Variants in STK24 observed in about 807,000 individuals in gnomAD.
The protein encoded by STK24 is serine/threonine kinase 24.
STK24 carries 21 observed loss-of-function variants against 55.6 expected under a neutral mutation model. That is an observed-to-expected ratio of 0.38 (90% CI 0.27 to 0.54). STK24 has a LOEUF of 0.54. Ranked by LOEUF, STK24 falls within the 20% of genes least tolerant of loss-of-function variation. The pLI is 0.79. For missense variants in STK24, 383 were observed against 538.4 expected (o/e 0.71, Z 2.86); for synonymous variants, 200 against 215.2 (o/e 0.93, Z 0.62).
intron 2 of STK24, among the ~76,000 whole-genome samples, chr13:98,501,848 GC>G (rs935295373): frequency 4.6e-5 from 7 of 152,032 alleles, no homozygotes; most frequent in African/African-American, 1.7e-4. Flanking sequence ...TTCCCCTGTT[GC>G]CCTATCAGTT....
chr13:98,473,547 A>C (rs780886037), intron 5 of STK24, among the ~76,000 whole-genome samples: 20 of 152,240 alleles, frequency 1.3e-4, no homozygotes, highest in Non-Finnish European at 2.5e-4. Flanking sequence ...TCAACAGCCA[A>C]AGTGACTGCA....
rs1308517695 is a variant in STK24 at position 98,496,130 on chromosome 13, AG to A, written c.274-13810del. Among the ~76,000 whole-genome samples the A allele has an allele frequency of 2.6e-5, 4 of 152,286 alleles. No individual in the cohort carries two copies. In the South Asian group the frequency reaches 6.2e-4, roughly 24 times the overall value. Reference sequence around the variant, plus strand: ...AAAGGTCTCCAGCTTCCCTGTGGGGAGCCATGGGTGGGATGATTTAAGCAGA... The same window carrying A: ...AAAGGTCTCCAGCTTCCCTGTGGGGACCATGGGTGGGATGATTTAAGCAGA... On this transcript the variant is annotated intron_variant, in intron 2 of 10. Coordinates refer to ENST00000539966, the MANE Select transcript of STK24 (RefSeq NM_001032296.4).
rs767179382 is a variant in STK24 at position 98,457,212 on chromosome 13, G to A, written c.1215C>T (p.Gly405=). The change falls in exon 10 of 11, where the codon GGC becomes GGT. Residue 405 remains glycine (G), a synonymous_variant. Transcript: ENST00000539966. ...AIYLAEEACP[G]ISDTMVAQLV... is the part of the protein sequence containing the mutation. The stretch of plus-strand genomic sequence containing the variant: ...GCTGGGCCACCATGGTGTCGGAGAT[G>A]CCAGGGCACGCCTCCTCCGCTAGGT... 15 of 1,612,596 alleles carry A rather than the reference G, an allele frequency of 9.3e-6. No individual in the cohort carries two copies. The Admixed American group carries it at 2.3e-4, about 25-fold the overall frequency.
At chr13:98,496,678 CAT>C in intron 2 of STK24, among the ~76,000 whole-genome samples, 1 of 152,214 alleles carries the variant, frequency 6.6e-6, no homozygotes, top group East Asian at 1.9e-4. Flanking sequence ...ATGAGCTGCA[CAT>C]GTGATCCTGT....
intron 10 of STK24, chr13:98,456,515 T>C (rs759859372): frequency 3.9e-6 from 2 of 516,700 alleles, no homozygotes; most frequent in South Asian, 1.5e-5. Context: ...ACGCCTGCAC[T>C]TGTGCCAGAT....
intron 2 of STK24, among the ~76,000 whole-genome samples, chr13:98,516,272 C>T (rs1896055012): frequency 6.6e-6 from 1 of 152,240 alleles, no homozygotes; most frequent in Non-Finnish European, 1.5e-5. Flanking sequence ...GGCCAACTTT[C>T]CACAATGGCC....
At chr13:98,573,723 T>C (rs1188464654) in intron 1 of STK24, among the ~76,000 whole-genome samples, 1 of 152,218 alleles carries the variant, frequency 6.6e-6, no homozygotes, top group East Asian at 1.9e-4. Flanking sequence ...TTTGCAAAAG[T>C]AACCATAAAA....
rs758854319 is a variant in STK24 at position 98,448,321 on chromosome 13, C to G, written c.*4852G>C. 1.4e-5 allele frequency: 23 copies of G among 1,607,840 alleles called. No homozygotes were observed. The highest frequency in any genetic ancestry group is 3.3e-5 in the Admixed American group (2 of 60,002). Reference sequence around the variant, plus strand: ...CAAAGAGTCTCTTGTGTATTGATGGCCGGACACACTCGTTTCCGCAGTGGC... The same window carrying G: ...CAAAGAGTCTCTTGTGTATTGATGGGCGGACACACTCGTTTCCGCAGTGGC... On this transcript the variant is annotated 3_prime_UTR_variant, in exon 11 of 11. Coordinates refer to ENST00000539966, the MANE Select transcript of STK24 (RefSeq NM_001032296.4).
Position 98,448,110 on chromosome 13 carries a change from T to C in STK24, c.*5063A>G, listed in dbSNP as rs1892969955. ...GGTGCTGGCTGTTCCCTTGCTCTTC[T>C]GCTGAAGTGGCAGATTACCAACCAG... is the stretch of plus-strand genomic sequence containing the variant. On this transcript the variant is annotated 3_prime_UTR_variant, in exon 11 of 11. Transcript: ENST00000539966. The C allele has an allele frequency of 1.3e-6, 1 of 767,300 alleles. No individual in the cohort carries two copies. The highest frequency in any genetic ancestry group is 2.3e-6 in the Non-Finnish European group (1 of 436,912). 47.5% of individuals were successfully genotyped at this position (767,300 alleles called of 1,614,324 possible). A position where few individuals can be genotyped will look rare whatever the true frequency, so the allele number is the denominator to read the frequency against.
At chr13:98,457,116 GC>G in intron 10 of STK24, 51 bp downstream of exon 10, 1 of 1,587,120 alleles carries the variant, frequency 6.3e-7, no homozygotes. Context: ...CTAAGTCCCA[GC>G]CCAAGTGCAG....
chr13:98,558,850 G>A (rs114780218), intron 1 of STK24, among the ~76,000 whole-genome samples: 3,966 of 152,080 alleles, frequency 0.026, 72 homozygotes, highest in South Asian at 0.081. Flanking sequence ...GACCACAGAA[G>A]TAAATTACAA....
chr13:98,516,882 T>G (rs776418556), intron 2 of STK24, among the ~76,000 whole-genome samples: 16 of 152,192 alleles, frequency 1.1e-4, no homozygotes, highest in Non-Finnish European at 2.2e-4. Context: ...CGGGGCAACC[T>G]TAGATCAAGG....
At chr13:98,482,397 T>G in intron 2 of STK24, 76 bp from the exon 3 acceptor site, 1 of 800,752 alleles carries the variant, frequency 1.2e-6, no homozygotes, top group Non-Finnish European at 2.0e-6. Context: ...CAAAGGGTAT[T>G]TTTCACAATT....
intron 1 of STK24, among the ~76,000 whole-genome samples, chr13:98,560,917 AAC>A (rs1897401310): frequency 1.3e-5 from 2 of 148,252 alleles, no homozygotes; most frequent in African/African-American, 5.0e-5. Flanking sequence ...AAAAAAAAAA[AAC>A]CATAATTCAG....
chr13:98,488,956 G>A (rs1566364482), intron 2 of STK24, among the ~76,000 whole-genome samples: 1 of 152,386 alleles, frequency 6.6e-6, no homozygotes, highest in African/African-American at 2.4e-5. Context: ...CCAAGACCAA[G>A]AGGTATAAAC....
chr13:98,484,906 G>A (rs1330344756), intron 2 of STK24, among the ~76,000 whole-genome samples: 13 of 152,120 alleles, frequency 8.5e-5, no homozygotes, highest in Admixed American at 7.9e-4. Flanking sequence ...GGTAGCAGAC[G>A]CGCTGGGTGG....
intron 1 of STK24, among the ~76,000 whole-genome samples, chr13:98,546,537 T>C (rs1897032905): frequency 6.6e-6 from 1 of 152,188 alleles, no homozygotes; most frequent in Non-Finnish European, 1.5e-5. Flanking sequence ...TGGCCACAAG[T>C]GGCCTCACTC....
At chr13:98,466,926 T>C (rs1566349809) in intron 5 of STK24, among the ~76,000 whole-genome samples, 2 of 152,120 alleles carry the variant, frequency 1.3e-5, no homozygotes, top group Non-Finnish European at 2.9e-5. Flanking sequence ...CCTCCAGCAG[T>C]GCTTAGAACT....
chr13:98,563,701 A>T (rs11843364), intron 1 of STK24, among the ~76,000 whole-genome samples: 5 of 149,686 alleles, frequency 3.3e-5, no homozygotes, highest in African/African-American at 9.8e-5. Context: ...TACTAAAAAT[A>T]AAAAAAAAAT....
Sources: gnomAD v4.1 joint callset for allele counts (sites outside exome capture counted in the v4.1 genomes callset) on GRCh38, gnomAD v4.1.1 for gene constraint, MANE v1.5 for transcripts, NCBI Gene and HGNC (gene_info 2026-07-23, HGNC 2026-07-21) for gene names.